Variants in NELL2 observed in about 807,000 individuals in gnomAD.
NELL2 encodes neural EGFL like 2, also known as protein kinase C-binding protein NELL2.
In NELL2, 41 loss-of-function variants were observed where a neutral mutation model predicts 109.6. The observed-to-expected ratio is 0.37, with a 90% CI of 0.29 to 0.49. NELL2 has a LOEUF of 0.49. NELL2 is among the 20% of genes least tolerant of loss of function. The pLI, the probability that NELL2 is intolerant of heterozygous loss-of-function variation, is 0.98. For synonymous variants in NELL2, 355 were observed against 344.7 expected (o/e 1.03, Z -0.33); for missense variants, 900 against 1,008.3 (o/e 0.89, Z 1.45).
intron 9 of NELL2, among the ~76,000 whole-genome samples, chr12:44,747,575 G>T (rs1273697512): frequency 1.3e-5 from 2 of 151,912 alleles, no homozygotes; most frequent in African/African-American, 4.8e-5. Context: ...AAAAAATCTG[G>T]CAGGAATCCA....
intron 3 of NELL2, among the ~76,000 whole-genome samples, chr12:44,793,572 T>G (rs115437084): frequency 0.014 from 2,201 of 152,276 alleles, 51 homozygotes; most frequent in African/African-American, 0.05. Flanking sequence ...GTAACAGTGA[T>G]GGTGATACAA....
At chr12:44,714,800 T>A (rs1938399594) in intron 9 of NELL2, 59 bp from the exon 10 acceptor site, 1 of 1,093,060 alleles carries the variant, frequency 9.1e-7, no homozygotes, top group Admixed American at 2.5e-5. Flanking sequence ...TTAGAAGGGA[T>A]CAGATCATCT....
chr12:44,744,487 C>T (rs1381589694), intron 9 of NELL2, among the ~76,000 whole-genome samples: 7 of 152,044 alleles, frequency 4.6e-5, no homozygotes, highest in African/African-American at 7.2e-5. Context: ...ACAAAAAACC[C>T]TTCAAAAAAT....
intron 3 of NELL2, among the ~76,000 whole-genome samples, chr12:44,786,971 A>G (rs1291055222): frequency 6.6e-6 from 1 of 152,152 alleles, no homozygotes; most frequent in East Asian, 1.9e-4. Context: ...GCAGTAAACA[A>G]CCATGGCACA....
intron 2 of NELL2, among the ~76,000 whole-genome samples, chr12:44,844,956 C>T (rs906935232): frequency 6.6e-6 from 1 of 151,956 alleles, no homozygotes; most frequent in African/African-American, 2.4e-5. Context: ...AGAAAGTTGC[C>T]ACATACTTCC....
At chr12:44,744,210 T>C (rs1336182603) in intron 9 of NELL2, among the ~76,000 whole-genome samples, 4 of 152,118 alleles carry the variant, frequency 2.6e-5, no homozygotes, top group Non-Finnish European at 5.9e-5. Context: ...ACAGGTTAAA[T>C]AATGAAATGA....
chr12:44,710,366 C>T (rs1938130759), intron 11 of NELL2, among the ~76,000 whole-genome samples: 2 of 152,118 alleles, frequency 1.3e-5, no homozygotes, highest in African/African-American at 2.4e-5. Flanking sequence ...GCACCAATTA[C>T]ATCAGTTATA....
upstream of NELL2, among the ~76,000 whole-genome samples, chr12:44,878,972 A>C (rs955671124): frequency 1.3e-5 from 2 of 152,238 alleles, no homozygotes; most frequent in Non-Finnish European, 2.9e-5. Flanking sequence ...ATTGTTAATC[A>C]GGTAACCTTA....
Position 44,766,087 on chromosome 12 carries a change from G to GA in NELL2, c.994+8659dup, listed in dbSNP as rs572286226. Among the ~76,000 whole-genome samples, 795 of 112,618 alleles carry GA rather than the reference G, an allele frequency of 7.1e-3. 4 individuals carry two copies. The highest frequency in any genetic ancestry group is 0.021 in the South Asian group (83 of 3,882). The allele number at this position is 112,618 out of a possible 152,430, so 73.9% of individuals were successfully genotyped here. On this transcript the variant is annotated intron_variant, in intron 9 of 19. Transcript: ENST00000429094. ...GGTGACAGAGCAAGACTCCGTATCA[G>GA]AAAAAAAAAAAAAAGAAAGAAATGC...
At chr12:44,581,493 TTGAAGTAGAAATTCCTTCACAGGAATTCC>T (rs1944320324) in intron 15 of NELL2, among the ~76,000 whole-genome samples, 1 of 152,296 alleles carries the variant, frequency 6.6e-6, no homozygotes, top group East Asian at 1.9e-4. Flanking sequence ...AACCTACAGA[TTGAAGTAGAAATTCCTTCACAGGAATTCC>T]TGAAAGGAAT....
At chr12:44,876,484 G>A, upstream of NELL2, 1 of 1,346,354 alleles carries the variant, frequency 7.4e-7, no homozygotes, top group Non-Finnish European at 9.6e-7. Flanking sequence ...GGGAGCCCAG[G>A]AGCCGTTGCA....
chr12:44,653,099 T>C lies in NELL2; in HGVS notation c.1444+12385A>G, dbSNP rs144881782. On this transcript the variant is annotated intron_variant, in intron 13 of 19. Coordinates refer to ENST00000429094, the MANE Select transcript of NELL2 (RefSeq NM_001145108.2). The stretch of plus-strand genomic sequence containing the variant: ...CGTAAGGTAGCATATTATTCACAGA[T>C]CTGGGGATTAGGATGTGAACATTTT... 5.9e-5 allele frequency among the ~76,000 whole-genome samples: 9 copies of C among 152,270 alleles called. 1 individual carries two copies. The highest frequency in any genetic ancestry group is 2.1e-4 in the South Asian group (1 of 4,812).
At chr12:44,914,501 A>ACATTT (rs1394075547), upstream of NELL2, among the ~76,000 whole-genome samples, 1 of 152,074 alleles carries the variant, frequency 6.6e-6, no homozygotes, top group Non-Finnish European at 1.5e-5. Flanking sequence ...CACCCCACTC[A>ACATTT]CATTTTCTAG....
At position 44,687,130 on chromosome 12, in the gene NELL2, G is replaced by A. The variant is rs111683431; in HGVS notation, c.1318+16596C>T. On this transcript the variant is annotated intron_variant, in intron 12 of 19. Coordinates refer to ENST00000429094, the MANE Select transcript of NELL2 (RefSeq NM_001145108.2). ...TGGTGCACCATTTTTTAAGCCCGTC[G>A]GAAATGCGCAGTATTCGGGTGGGAG... Among the ~76,000 whole-genome samples the A allele has an allele frequency of 8.3e-4, 126 of 152,290 alleles. 1 individual carries two copies. The highest frequency in any genetic ancestry group is 2.7e-3 in the South Asian group (13 of 4,814).
chr12:44,727,158 G>A (rs1406179364), intron 9 of NELL2, among the ~76,000 whole-genome samples: 1 of 152,014 alleles, frequency 6.6e-6, no homozygotes, highest in African/African-American at 2.4e-5. Flanking sequence ...ATTATCAACT[G>A]GACTTGCACA....
chr12:44,553,780 C>T (rs11182537), intron 15 of NELL2, among the ~76,000 whole-genome samples: 15,429 of 152,004 alleles, frequency 0.1, 2,637 homozygotes, highest in African/African-American at 0.35. Flanking sequence ...AGTAATACCA[C>T]GGAGGACAAT....
At chr12:44,728,841 GA>G (rs551701551) in intron 9 of NELL2, among the ~76,000 whole-genome samples, 34 of 152,144 alleles carry the variant, frequency 2.2e-4, no homozygotes, top group Admixed American at 3.9e-4. Context: ...TAAAGTGTTG[GA>G]AGAAAAATCC....
rs1300942368 is a variant in NELL2, at chr12:44,617,708, A to G, written c.1445-6738T>C. On this transcript the variant is annotated intron_variant, in intron 13 of 19. Coordinates refer to ENST00000429094, the MANE Select transcript of NELL2 (RefSeq NM_001145108.2). ...CTCCGTCTCAAAAAAAAAAAAAAAAAAAAAAGAAAAAGCAGTTGTGAAGAA... is the reference window on the plus strand; with the variant it reads ...CTCCGTCTCAAAAAAAAAAAAAAAAGAAAAAGAAAAAGCAGTTGTGAAGAA... 1.4e-4 allele frequency among the ~76,000 whole-genome samples: 15 copies of G among 103,522 alleles called. 1 individual carries two copies. Among genetic ancestry groups the G allele is most frequent in the African/African-American group, 2.6e-4 (4 of 15,560 alleles). The allele number at this position is 103,522 out of a possible 152,430, so 67.9% of individuals were successfully genotyped here. A position where few individuals can be genotyped will look rare whatever the true frequency, so the allele number is the denominator to read the frequency against.
At chr12:44,854,690 G>A (rs1944629608) in intron 2 of NELL2, among the ~76,000 whole-genome samples, 1 of 117,418 alleles carries the variant, frequency 8.5e-6, no homozygotes, top group Non-Finnish European at 2.0e-5. Context: ...ATGGGTGGAT[G>A]GATGGGTGGA....
Sources: allele counts gnomAD v4.1 joint callset (sites outside exome capture counted in the v4.1 genomes callset), GRCh38; gene constraint gnomAD v4.1.1; transcripts MANE v1.5; gene names NCBI Gene and HGNC (gene_info 2026-07-23, HGNC 2026-07-21).